The following DZANK1 variants were observed in gnomAD, a reference collection of about 807,000 sequenced individuals.
DZANK1 encodes double zinc ribbon and ankyrin repeat-containing protein 1.
DZANK1 carries 91 observed loss-of-function variants against 94.5 expected under a neutral mutation model. The ratio of observed to expected loss-of-function variants is 0.96; its 90% CI spans 0.81 to 1.15. The LOEUF (loss-of-function observed/expected upper bound fraction) is 1.15. DZANK1 is among the 50% of genes most tolerant of loss of function. DZANK1 has a pLI of 0.00. For missense variants in DZANK1, 903 were observed against 916.4 expected, an observed-to-expected ratio of 0.99 and a Z score of 0.19; for synonymous variants, 312 against 325.3, an observed-to-expected ratio of 0.96 and a Z score of 0.44.
intron 13 of DZANK1, among the ~76,000 whole-genome samples, chr20:18,408,149 C>T (rs560745934): frequency 6.6e-6 from 1 of 152,148 alleles, no homozygotes; most frequent in African/African-American, 2.4e-5. Context: ...AACCCCATCT[C>T]TACTATAAAT....
chr20:18,427,063 C>T lies in DZANK1; in HGVS notation c.954+4G>A, dbSNP rs6105917. 6.2e-7 allele frequency: 1 copy of T among 1,606,036 alleles called. No individual in the cohort carries two copies. Among genetic ancestry groups the T allele is most frequent in the Non-Finnish European group, 8.5e-7 (1 of 1,174,272 alleles). On this transcript the variant is annotated splice_donor_region_variant and intron_variant, in intron 10 of 20. Coordinates refer to ENST00000262547, the Ensembl canonical transcript of DZANK1. ...TATAGGATTGGCACATGCAATCAACCTACCTCTTGTGATGAAGGCAGGGCC... is the reference window on the plus strand; with the variant it reads ...TATAGGATTGGCACATGCAATCAACTTACCTCTTGTGATGAAGGCAGGGCC...
chr20:18,409,862 G>A (rs1276847036), intron 13 of DZANK1, among the ~76,000 whole-genome samples: 5 of 152,034 alleles, frequency 3.3e-5, no homozygotes, highest in Admixed American at 3.3e-4. Context: ...GAGGTCAGGC[G>A]ATCGAGACTA....
intron 13 of DZANK1, among the ~76,000 whole-genome samples, chr20:18,409,969 G>A (rs1293154606): frequency 1.3e-5 from 2 of 148,988 alleles, no homozygotes; most frequent in Non-Finnish European, 3.0e-5. Context: ...GGAGGCGGAG[G>A]TTGCAGTGAG....
intron 8 of DZANK1, among the ~76,000 whole-genome samples, chr20:18,437,707 T>C (rs2058575331): frequency 2.6e-5 from 4 of 152,194 alleles, no homozygotes; most frequent in Non-Finnish European, 4.4e-5. Context: ...TTCCATGATG[T>C]GGTTATTATA....
At chr20:18,400,755 T>C (rs760026138) in intron 13 of DZANK1, among the ~76,000 whole-genome samples, 3 of 152,150 alleles carry the variant, frequency 2.0e-5, no homozygotes, top group Non-Finnish European at 4.4e-5. Context: ...CCACAAATAT[T>C]TACTGGGCAC....
intron 13 of DZANK1, among the ~76,000 whole-genome samples, chr20:18,410,611 T>TA (rs1231992610): frequency 5.3e-5 from 8 of 151,762 alleles, no homozygotes; most frequent in South Asian, 2.1e-4. Context: ...CAATCCAATT[T>TA]AAAAAACAAA....
chr20:18,384,672 C>T (rs2048377813), intron 20 of DZANK1, 108 bp from the exon 21 acceptor site: 8 of 1,231,698 alleles, frequency 6.5e-6, no homozygotes, highest in Non-Finnish European at 8.8e-6. Flanking sequence ...CTCCTGGTCC[C>T]ACCTCCCCAA....
intron 13 of DZANK1, among the ~76,000 whole-genome samples, chr20:18,409,432 A>C (rs539376117): frequency 3.3e-5 from 5 of 152,292 alleles, no homozygotes; most frequent in South Asian, 4.1e-4. Flanking sequence ...TAAAGCAAGA[A>C]TCTTATAGCT....
At chr20:18,409,858 AGGCGATCGAGACTATTCTG>A (rs2057154803) in intron 13 of DZANK1, among the ~76,000 whole-genome samples, 1 of 152,110 alleles carries the variant, frequency 6.6e-6, no homozygotes. Context: ...TCACGAGGTC[AGGCGATCGAGACTATTCTG>A]GCTAACACAG....
chr20:18,405,746 C>T (rs1222150356), intron 13 of DZANK1, among the ~76,000 whole-genome samples: 1 of 152,204 alleles, frequency 6.6e-6, no homozygotes, highest in Non-Finnish European at 1.5e-5. Flanking sequence ...TGAGCAATCA[C>T]AATACCTGGT....
chr20:18,438,934 A>T (rs571340605), intron 8 of DZANK1, among the ~76,000 whole-genome samples: 8 of 152,170 alleles, frequency 5.3e-5, no homozygotes, highest in African/African-American at 1.9e-4. Flanking sequence ...CCTCCCAAAG[A>T]CCCAACCTTC....
rs149309616 is a variant in DZANK1 at position 18,451,503 on chromosome 20, T to C, written c.543+1112A>G. On this transcript the variant is annotated intron_variant, in intron 6 of 20. Transcript: ENST00000262547. ...CCTTCTCTTCACTTTCTGTTCAGCCTTGACTAGTGATCTCGTTCAGACCTA... is the reference window on the plus strand; with the variant it reads ...CCTTCTCTTCACTTTCTGTTCAGCCCTGACTAGTGATCTCGTTCAGACCTA... Among the ~76,000 whole-genome samples the C allele has an allele frequency of 8.5e-4, 129 of 152,300 alleles. No homozygotes were observed. In the East Asian group the frequency reaches 0.016, roughly 19 times the overall value.
chr20:18,436,589 T>C (rs61469596), intron 8 of DZANK1, among the ~76,000 whole-genome samples: 5,114 of 150,942 alleles, frequency 0.034, 147 homozygotes, highest in African/African-American at 0.077. Context: ...AAGCAGAACA[T>C]CAAAAACGTA....
chr20:18,386,102 A>G (rs1362968552), intron 19 of DZANK1, among the ~76,000 whole-genome samples: 1 of 152,150 alleles, frequency 6.6e-6, no homozygotes, highest in Non-Finnish European at 1.5e-5. Context: ...CATCACCCTC[A>G]TCCTCCACAC....
In DZANK1 at chr20:18,453,887, G is replaced by C. The variant is rs544494825; in HGVS notation, c.379-60C>G. 34 of 1,036,698 alleles carry C rather than the reference G, an allele frequency of 3.3e-5. No homozygotes were observed. The African/African-American group carries it at 3.8e-4, about 11-fold the overall frequency. The allele number at this position is 1,036,698 out of a possible 1,614,324, so 64.2% of individuals were successfully genotyped here. A position where few individuals can be genotyped will look rare whatever the true frequency, so the allele number is the denominator to read the frequency against. On this transcript the variant is annotated intron_variant, in intron 4 of 20. Transcript: ENST00000262547. ...TTATTCCCATGTGAGAATTAAAGCT[G>C]CATGATAGAGAAAGTGTCATGGTGT...
intron 10 of DZANK1, chr20:18,421,270 C>CG (rs1366408623): frequency 1.1e-5 from 2 of 175,070 alleles, no homozygotes; most frequent in Non-Finnish European, 2.6e-5. Flanking sequence ...ACATCCCCCC[C>CG]GTAAAACTTT....
At position 18,431,763 on chromosome 20, in the gene DZANK1, T is replaced by A. The variant is rs555430354; in HGVS notation, c.861+1889A>T. On this transcript the variant is annotated intron_variant, in intron 9 of 20. Coordinates refer to ENST00000262547, the Ensembl canonical transcript of DZANK1. ...ACAGGGAAAAATCTGAGCTACAAAGTCTGGTAGAGAAGGTGCCATCTCCTA... is the reference window on the plus strand; with the variant it reads ...ACAGGGAAAAATCTGAGCTACAAAGACTGGTAGAGAAGGTGCCATCTCCTA... 5.3e-5 allele frequency among the ~76,000 whole-genome samples: 8 copies of A among 152,250 alleles called. No homozygotes were observed. The East Asian group carries it at 1.5e-3, about 29-fold the overall frequency.
chr20:18,460,715 C>A (rs1462969869), intron 2 of DZANK1, among the ~76,000 whole-genome samples: 3 of 150,106 alleles, frequency 2.0e-5, no homozygotes, highest in East Asian at 3.9e-4. Context: ...GGCAACAGAG[C>A]GAGACTCCGT....
At chr20:18,403,773 A>G (rs2056806971) in intron 13 of DZANK1, among the ~76,000 whole-genome samples, 1 of 150,992 alleles carries the variant, frequency 6.6e-6, no homozygotes. Context: ...ATCCCAACAC[A>G]GATTCATAAA....
Sources: allele counts gnomAD v4.1 joint callset (sites outside exome capture counted in the v4.1 genomes callset), GRCh38; gene constraint gnomAD v4.1.1; transcripts MANE v1.5; gene names NCBI Gene and HGNC (gene_info 2026-07-23, HGNC 2026-07-21).